ZNG1A: variants seen among roughly 807,000 people sequenced by gnomAD.
The protein encoded by ZNG1A is Zn regulated GTPase metalloprotein activator 1A, also known as zinc-regulated GTPase metalloprotein activator 1A.
At chr9:135,880 A>G in the ZNG1A span, among the ~76,000 whole-genome samples, 1 of 85,426 alleles carries the variant, frequency 1.2e-5, no homozygotes, top group African/African-American at 6.0e-5. Context: ...TCTCCTGTTT[A>G]GCAGTTAAGC....
chr9:177,953 G>A, the ZNG1A span: 7 of 984,716 alleles, frequency 7.1e-6, no homozygotes, highest in Admixed American at 1.6e-4. Context: ...AAAAGGTCAC[G>A]AAGTGGCCCA....
the ZNG1A span, chr9:177,704 C>T: frequency 9.9e-5 from 143 of 1,448,550 alleles, no homozygotes; most frequent in Middle Eastern, 7.3e-4. Flanking sequence ...TCATTTTCTC[C>T]AGTGATCTAC....
the ZNG1A span, among the ~76,000 whole-genome samples, chr9:178,330 T>C: frequency 0.024 from 3,695 of 152,120 alleles, 142 homozygotes; most frequent in African/African-American, 0.079. Context: ...GAGCGCTCCC[T>C]GCCAGCTGGC....
chr9:173,673 T>C, the ZNG1A span, among the ~76,000 whole-genome samples: 1 of 152,124 alleles, frequency 6.6e-6, no homozygotes, highest in African/African-American at 2.4e-5. Context: ...AAGGCATTTT[T>C]TTCTTGTCCA....
the ZNG1A span, among the ~76,000 whole-genome samples, chr9:174,843 G>T: frequency 6.6e-6 from 1 of 150,700 alleles, no homozygotes; most frequent in Non-Finnish European, 1.5e-5. Flanking sequence ...TGTGTCTAGA[G>T]CTATTTTTTT....
At chr9:142,870 C>T in the ZNG1A span, among the ~76,000 whole-genome samples, 7 of 97,614 alleles carry the variant, frequency 7.2e-5, no homozygotes, top group Admixed American at 1.2e-4. Flanking sequence ...ATATCACCAC[C>T]GATCCCACAG....
chr9:159,428 T>C, the ZNG1A span, among the ~76,000 whole-genome samples: 4 of 152,172 alleles, frequency 2.6e-5, no homozygotes, highest in South Asian at 2.1e-4. Context: ...AGATCTTAAC[T>C]GTTCTTACCA....
the ZNG1A span, chr9:146,161 A>C: frequency 1.9e-6 from 3 of 1,574,764 alleles, no homozygotes; most frequent in Non-Finnish European, 2.6e-6. Context: ...GATCAACTCT[A>C]AAAGGAAGAA....
At chr9:161,279 G>A in the ZNG1A span, among the ~76,000 whole-genome samples, 6 of 151,838 alleles carry the variant, frequency 4.0e-5, no homozygotes, top group African/African-American at 1.4e-4. Context: ...GACCAGGCTG[G>A]TCAACATGGT....
the ZNG1A span, chr9:122,207 T>C: frequency 7.0e-7 from 1 of 1,420,750 alleles, no homozygotes; most frequent in Non-Finnish European, 9.3e-7. Flanking sequence ...ATACAAACTC[T>C]TAAGCTGAGA....
At chr9:127,535 T>C in the ZNG1A span, among the ~76,000 whole-genome samples, 2,553 of 152,322 alleles carry the variant, frequency 0.017, 26 homozygotes, top group African/African-American at 0.058. Flanking sequence ...ATGAAATGTC[T>C]TGGTCCATCC....
the ZNG1A span, among the ~76,000 whole-genome samples, chr9:128,750 C>A: frequency 6.7e-6 from 1 of 150,230 alleles, no homozygotes; most frequent in Non-Finnish European, 1.5e-5. Flanking sequence ...TGTTAAAGAA[C>A]CTTGTTTTGT....
the ZNG1A span, among the ~76,000 whole-genome samples, chr9:159,744 A>G: frequency 4.6e-5 from 7 of 151,740 alleles, no homozygotes; most frequent in African/African-American, 1.7e-4. Flanking sequence ...CTATGAAAGA[A>G]CACTGCTGTT....
chr9:136,854 G>A, the ZNG1A span, among the ~76,000 whole-genome samples: 21 of 152,044 alleles, frequency 1.4e-4, no homozygotes, highest in African/African-American at 4.1e-4. Flanking sequence ...CCTGAGCAAC[G>A]TAGCGAGAGC....
the ZNG1A span, among the ~76,000 whole-genome samples, chr9:145,104 G>A: frequency 6.8e-6 from 1 of 146,838 alleles, no homozygotes; most frequent in South Asian, 2.2e-4. Flanking sequence ...TGGTGGGACT[G>A]TAAACTAGTT....
the ZNG1A span, among the ~76,000 whole-genome samples, chr9:144,370 A>G: frequency 6.7e-6 from 1 of 148,516 alleles, no homozygotes; most frequent in Non-Finnish European, 1.5e-5. Flanking sequence ...GGAACAGAAC[A>G]GAGCCCTCAG....
At chr9:157,813 G>A in the ZNG1A span, among the ~76,000 whole-genome samples, 10 of 149,542 alleles carry the variant, frequency 6.7e-5, no homozygotes, top group Non-Finnish European at 1.3e-4. Flanking sequence ...ATGGGGAGAT[G>A]ATCATTAGGG....
chr9:138,453 G>C, the ZNG1A span, among the ~76,000 whole-genome samples: 3 of 136,480 alleles, frequency 2.2e-5, no homozygotes, highest in African/African-American at 8.6e-5. Context: ...AAAGTAAAAG[G>C]GGTCCAATAA....
chr9:172,301 C>T, the ZNG1A span: 25 of 1,082,786 alleles, frequency 2.3e-5, no homozygotes, highest in South Asian at 2.4e-4. Context: ...ATTTAACTCA[C>T]TTCTAACCTT....
Sources: gnomAD v4.1 joint callset for allele counts (sites outside exome capture counted in the v4.1 genomes callset) on GRCh38, gnomAD v4.1.1 for gene constraint, MANE v1.5 for transcripts, NCBI Gene and HGNC (gene_info 2026-07-23, HGNC 2026-07-21) for gene names.